Variants in MTAP observed in about 807,000 individuals in gnomAD.
The protein encoded by MTAP is methylthioadenosine phosphorylase, also known as S-methyl-5'-thioadenosine phosphorylase.
A neutral mutation model predicts 33.6 loss-of-function variants in MTAP; 33 were observed. That is an observed-to-expected ratio of 0.98 (90% confidence interval 0.74 to 1.31). The LOEUF is 1.31. Among genes scored for constraint, MTAP ranks in the 40% most tolerant of loss-of-function variants. The pLI is 0.00. For missense variants in MTAP, 367 were observed against 360.0 expected (o/e 1.02, Z -0.16); for synonymous variants, 148 against 125.7 (o/e 1.18, Z -1.19).
At chr9:21,817,213 A>G (rs1824497253) in intron 3 of MTAP, among the ~76,000 whole-genome samples, 1 of 152,182 alleles carries the variant, frequency 6.6e-6, no homozygotes, top group Non-Finnish European at 1.5e-5. Flanking sequence ...GCTGCTCCAT[A>G]TTACAGAGGA....
At chr9:21,811,667 G>A (rs924615796) in intron 1 of MTAP, 9 of 528,452 alleles carry the variant, frequency 1.7e-5, no homozygotes, top group African/African-American at 5.8e-5. Context: ...CTCCTCAGCC[G>A]TGGCCTCCTG....
At chr9:21,850,651 A>G (rs1825488443) in intron 5 of MTAP, among the ~76,000 whole-genome samples, 1 of 152,186 alleles carries the variant, frequency 6.6e-6, no homozygotes, top group African/African-American at 2.4e-5. Context: ...TTCTGCAGAT[A>G]ACTATTCTCC....
rs561533301 is a variant in MTAP, at chr9:21,802,649, A to T, written c.-100A>T. ...CCCGCCCCTGGTCTCCGCACTGCTC[A>T]CTCCCGCGCAGTGAGGTTGGCACAG... On this transcript the variant is annotated 5_prime_UTR_variant, in exon 1 of 8. Coordinates refer to ENST00000644715, the MANE Select transcript of MTAP (RefSeq NM_002451.4). 47 of 1,362,282 alleles carry T rather than the reference A, an allele frequency of 3.5e-5. No homozygotes were observed. In the Middle Eastern group the frequency reaches 1.1e-3, roughly 33 times the overall value. The allele number at this position is 1,362,282 out of a possible 1,614,324, so 84.4% of individuals were successfully genotyped here.
At chr9:21,911,702 AC>A (rs781194795) in intron 1 of MTAP, among the ~76,000 whole-genome samples, 18 of 152,218 alleles carry the variant, frequency 1.2e-4, no homozygotes, top group Non-Finnish European at 5.9e-5. Context: ...TGACACCCTA[AC>A]ATCACAATTA....
intron 4 of MTAP, among the ~76,000 whole-genome samples, chr9:21,830,969 A>G (rs1824952014): frequency 6.6e-6 from 1 of 150,676 alleles, no homozygotes; most frequent in Non-Finnish European, 1.5e-5. Context: ...GATTTTTGCC[A>G]TTGGAGCAAA....
rs1825793182 is a variant in MTAP at position 21,863,456 on chromosome 9, A to C, written c.*1442A>C. 1 of 577,104 alleles carries C rather than the reference A, an allele frequency of 1.7e-6. No individual in the cohort carries two copies. The highest frequency in any genetic ancestry group is 2.0e-5 in the African/African-American group (1 of 49,248). 35.7% of individuals were successfully genotyped at this position (577,104 alleles called of 1,614,324 possible). A position where few individuals can be genotyped will look rare whatever the true frequency, so the allele number is the denominator to read the frequency against. ...CTCCGTCTCTACTAAAAATACAAAA[A>C]ATTAGCTGGGCGTGGTGGTGGGCAC... On this transcript the variant is annotated 3_prime_UTR_variant, in exon 8 of 8. Coordinates refer to ENST00000644715, the MANE Select transcript of MTAP (RefSeq NM_002451.4).
At chr9:21,914,990 C>G (rs1323460742) in intron 1 of MTAP, among the ~76,000 whole-genome samples, 1 of 146,220 alleles carries the variant, frequency 6.8e-6, no homozygotes, top group Non-Finnish European at 1.5e-5. Flanking sequence ...CATATCAATA[C>G]TTTGTTTTCT....
chr9:21,887,558 G>A (rs1175090968), intron 1 of MTAP, among the ~76,000 whole-genome samples: 1 of 152,156 alleles, frequency 6.6e-6, no homozygotes, highest in Non-Finnish European at 1.5e-5. Flanking sequence ...TGTGAATAGT[G>A]CCGCAGTAAA....
chr9:21,824,056 CCTT>C (rs1212789866), intron 4 of MTAP, among the ~76,000 whole-genome samples: 1 of 152,192 alleles, frequency 6.6e-6, no homozygotes, highest in East Asian at 1.9e-4. Flanking sequence ...GTTCGAATTT[CCTT>C]CTTTAGCTCA....
chr9:21,803,760 A>G lies in MTAP; in HGVS notation c.33+979A>G, dbSNP rs185945063. 9.5e-3 allele frequency among the ~76,000 whole-genome samples: 1,448 copies of G among 152,174 alleles called. 19 individuals carry two copies. Among genetic ancestry groups the G allele is most frequent in the Non-Finnish European group, 0.012 (838 of 67,994 alleles). On this transcript the variant is annotated intron_variant, in intron 1 of 7. Coordinates refer to ENST00000644715, the MANE Select transcript of MTAP (RefSeq NM_002451.4). ...TTTGATTTTTAGAAATTTTTGGCCT[A>G]TGGGATAGGAAGGTCTGCGATCTTC...
intron 6 of MTAP, chr9:21,856,158 G>A (rs1055540893): frequency 7.0e-5 from 69 of 985,128 alleles, no homozygotes; most frequent in Non-Finnish European, 8.1e-5. Flanking sequence ...ATAAAGGGAC[G>A]ACAAAACTGC....
At chr9:21,868,486 A>G (rs1825888639), downstream of MTAP, among the ~76,000 whole-genome samples, 3 of 152,216 alleles carry the variant, frequency 2.0e-5, no homozygotes, top group Admixed American at 1.3e-4. Context: ...ATTCTCTTAC[A>G]GACATGTGCC....
At position 21,865,197 on chromosome 9, in the gene MTAP, C is replaced by A; in HGVS notation, c.*3183C>A. On this transcript the variant is annotated 3_prime_UTR_variant, in exon 8 of 8. Coordinates refer to ENST00000644715, the MANE Select transcript of MTAP (RefSeq NM_002451.4). ...CATGGGGGTGGTTACCCCCACACTG[C>A]TGTTCTCATGATACTGAGTTCTCAC... 1 of 643,234 alleles carries A rather than the reference C, an allele frequency of 1.6e-6. No homozygotes were observed. The highest frequency in any genetic ancestry group is 1.9e-6 in the Non-Finnish European group (1 of 517,530). 39.8% of individuals were successfully genotyped at this position (643,234 alleles called of 1,614,324 possible).
chr9:21,913,714 A>G (rs1818625303), intron 1 of MTAP, among the ~76,000 whole-genome samples: 1 of 152,240 alleles, frequency 6.6e-6, no homozygotes, highest in African/African-American at 2.4e-5. Context: ...GGACATAGGC[A>G]TGGGCAAGGA....
At chr9:21,856,031 G>A in intron 6 of MTAP, 1 of 320,004 alleles carries the variant, frequency 3.1e-6, no homozygotes, top group Non-Finnish European at 4.5e-6. Flanking sequence ...TCCATATGTT[G>A]TATTTTAATG....
At chr9:21,820,979 T>C (rs1824621434) in intron 4 of MTAP, among the ~76,000 whole-genome samples, 1 of 152,248 alleles carries the variant, frequency 6.6e-6, no homozygotes, top group African/African-American at 2.4e-5. Context: ...TGATTTTGTG[T>C]CCTGAGACTT....
At chr9:21,821,973 A>G (rs1432701096) in intron 4 of MTAP, among the ~76,000 whole-genome samples, 2 of 151,970 alleles carry the variant, frequency 1.3e-5, no homozygotes, top group Non-Finnish European at 2.9e-5. Flanking sequence ...ATCGGTGGTG[A>G]TATCCCCTTT....
At chr9:21,826,538 C>T (rs1053654718) in intron 4 of MTAP, among the ~76,000 whole-genome samples, 1 of 151,606 alleles carries the variant, frequency 6.6e-6, no homozygotes, top group Non-Finnish European at 1.5e-5. Flanking sequence ...TGCATCCTGT[C>T]GGAAGGCATG....
At position 21,816,229 on chromosome 9, in the gene MTAP, T is replaced by TA. The variant is rs201656929; in HGVS notation, c.121-482dup. Among the ~76,000 whole-genome samples the TA allele has an allele frequency of 9.3e-3, 1,421 of 152,340 alleles. 14 individuals are homozygous for TA. The highest frequency in any genetic ancestry group is 0.015 in the Non-Finnish European group (1,020 of 68,030). ...CTGCAGTCATCCTGGTTCATTTTCT[T>TA]AAACCCCTCGGTTCTAAGGGTCTTT... On this transcript the variant is annotated intron_variant, in intron 2 of 7. Transcript: ENST00000644715.
Sources: gnomAD v4.1 joint callset for allele counts (sites outside exome capture counted in the v4.1 genomes callset) on GRCh38, gnomAD v4.1.1 for gene constraint, MANE v1.5 for transcripts, NCBI Gene and HGNC (gene_info 2026-07-23, HGNC 2026-07-21) for gene names.